Variants in XYLB observed in about 807,000 individuals in gnomAD.
The protein encoded by XYLB is xylulose kinase.
A neutral mutation model predicts 78.7 loss-of-function variants in XYLB; 62 were observed. That is an observed-to-expected ratio of 0.79 (90% CI 0.64 to 0.97). XYLB has a LOEUF of 0.97. Ranked by LOEUF, XYLB falls within the 50% of genes least tolerant of loss-of-function variation. The pLI, the probability that XYLB is intolerant of heterozygous loss-of-function variation, is 0.00. For synonymous variants in XYLB, 245 were observed against 247.4 expected (o/e 0.99, Z 0.09); for missense variants, 687 against 676.8 (o/e 1.02, Z -0.17).
Position 38,366,844 on chromosome 3 carries a change from C to G in XYLB, c.544C>G (p.Gln182Glu), listed in dbSNP as rs979523185. Residue 182 changes from glutamine to glutamate, a missense_variant, in exon 7 of 19, where the codon CAG becomes GAG. Physicochemically the swap from Gln to Glu is conservative, Grantham distance 29 (BLOSUM62 2). Transcript: ENST00000207870. Reference protein sequence around the residue: ...TGNQIAKIYQQNPEAYSHTER... With the variant: ...TGNQIAKIYQENPEAYSHTER... ...GAACCAAATTGCAAAAATTTACCAG[C>G]AGAACCCCGAGGCCTACTCACATAC... 3.7e-6 allele frequency: 6 copies of G among 1,613,368 alleles called. No homozygotes were observed. The highest frequency in any genetic ancestry group is 5.1e-6 in the Non-Finnish European group (6 of 1,179,420).
At chr3:38,379,556 C>T (rs986301233) in intron 15 of XYLB, among the ~76,000 whole-genome samples, 6 of 152,246 alleles carry the variant, frequency 3.9e-5, no homozygotes, top group African/African-American at 1.4e-4. Flanking sequence ...GTTCCCGCTT[C>T]TCAGCTGTGT....
chr3:38,389,191 C>G (rs570295859), intron 15 of XYLB, among the ~76,000 whole-genome samples: 5,739 of 146,234 alleles, frequency 0.039, 179 homozygotes, highest in African/African-American at 0.1. Flanking sequence ...CAAAGCACAT[C>G]TTGCACCGCC....
At position 38,366,892 on chromosome 3, in the gene XYLB, T is replaced by C. The variant is rs1706293794; in HGVS notation, c.573+19T>C. The C allele has an allele frequency of 3.9e-6, 6 of 1,555,646 alleles. No individual in the cohort carries two copies. In the East Asian group the frequency reaches 1.3e-4, roughly 35 times the overall value. Reference sequence around the variant, plus strand: ...TACGGAGGTTGGTTAAATGTTCCTGTTTGATTGAAAGTCACAGTTGAATTC... The same window carrying C: ...TACGGAGGTTGGTTAAATGTTCCTGCTTGATTGAAAGTCACAGTTGAATTC... On this transcript the variant is annotated intron_variant, in intron 7 of 18. Transcript: ENST00000207870.
At chr3:38,431,993 A>G in the XYLB span, among the ~76,000 whole-genome samples, 1 of 152,230 alleles carries the variant, frequency 6.6e-6, no homozygotes, top group African/African-American at 2.4e-5. Flanking sequence ...CAATGGAGGT[A>G]CAGGCATTGG....
chr3:38,397,055 C>G lies in XYLB; in HGVS notation c.1351-17C>G, dbSNP rs1204679400. 6.2e-7 allele frequency: 1 copy of G among 1,613,610 alleles called. No individual in the cohort carries two copies. Among genetic ancestry groups the G allele is most frequent in the Admixed American group, 1.7e-5 (1 of 60,014 alleles). On this transcript the variant is annotated splice_polypyrimidine_tract_variant and intron_variant, in intron 16 of 18. Transcript: ENST00000207870. ...GAGGAATGGCTCACCACAGTAGAACCTCTGTGTCCTTTTCAGGTGCTTGCA... is the reference window on the plus strand; with the variant it reads ...GAGGAATGGCTCACCACAGTAGAACGTCTGTGTCCTTTTCAGGTGCTTGCA...
intron 2 of XYLB, among the ~76,000 whole-genome samples, chr3:38,357,456 G>A (rs951213065): frequency 1.3e-5 from 2 of 150,200 alleles, no homozygotes; most frequent in East Asian, 2.0e-4. Flanking sequence ...GCGTGATCTC[G>A]GCTCACTGCA....
the XYLB span, among the ~76,000 whole-genome samples, chr3:38,438,523 A>C: frequency 2.6e-5 from 4 of 152,226 alleles, no homozygotes; most frequent in Non-Finnish European, 5.9e-5. Context: ...ATTCATAAGG[A>C]ACCAAAAAGA....
At chr3:38,350,192 T>G (rs1407871367) in intron 2 of XYLB, among the ~76,000 whole-genome samples, 1 of 152,324 alleles carries the variant, frequency 6.6e-6, no homozygotes, top group East Asian at 1.9e-4. Flanking sequence ...CATCACATTG[T>G]GTTGCCAACT....
downstream of XYLB, among the ~76,000 whole-genome samples, chr3:38,423,744 T>C (rs879576947): frequency 1.1e-4 from 17 of 152,344 alleles, no homozygotes; most frequent in Non-Finnish European, 2.1e-4. Flanking sequence ...ATTCATTATA[T>C]GGATGATATA....
Position 38,362,922 on chromosome 3 carries a change from T to C in XYLB, c.211-15T>C. The stretch of plus-strand genomic sequence containing the variant: ...GGTTCTGTACAGTCATGGTGGGTTC[T>C]GTTTTTCTTCTTAGGCACTGGATAT... On this transcript the variant is annotated splice_polypyrimidine_tract_variant and intron_variant, in intron 3 of 18. Transcript: ENST00000207870. 1.3e-6 allele frequency: 2 copies of C among 1,558,614 alleles called. No individual in the cohort carries two copies. Among genetic ancestry groups the C allele is most frequent in the African/African-American group, 1.4e-5 (1 of 72,804 alleles).
intron 4 of XYLB, among the ~76,000 whole-genome samples, chr3:38,364,562 CA>C: frequency 6.9e-6 from 1 of 144,282 alleles, no homozygotes; most frequent in Non-Finnish European, 1.5e-5. Flanking sequence ...CTTAGAATGC[CA>C]CTCATCCCGG....
At chr3:38,448,127 C>T in the XYLB span, among the ~76,000 whole-genome samples, 1 of 151,748 alleles carries the variant, frequency 6.6e-6, no homozygotes. Context: ...CTTAAGTGAA[C>T]TAAGCCAGGC....
At position 38,414,102 on chromosome 3, in the gene XYLB, C is replaced by T. The variant is rs1708708416; in HGVS notation, c.*1089C>T. ...GTGATCTGACTCCTGCAGACTCTTC[C>T]AGATTTTTCTGCCCAAGGCCTTTAC... On this transcript the variant is annotated 3_prime_UTR_variant, in exon 19 of 19. Transcript: ENST00000207870. 2 of 152,142 alleles carry T rather than the reference C, an allele frequency of 1.3e-5. No homozygotes were observed. The highest frequency in any genetic ancestry group is 4.8e-5 in the African/African-American group (2 of 41,412). 9.4% of individuals were successfully genotyped at this position (152,142 alleles called of 1,614,324 possible).
At chr3:38,434,614 A>G in the XYLB span, among the ~76,000 whole-genome samples, 1 of 152,254 alleles carries the variant, frequency 6.6e-6, no homozygotes, top group Non-Finnish European at 1.5e-5. Flanking sequence ...ACCATCATGA[A>G]AACACATGAA....
chr3:38,393,425 C>T (rs542534378), intron 15 of XYLB, among the ~76,000 whole-genome samples: 17 of 152,198 alleles, frequency 1.1e-4, no homozygotes, highest in Non-Finnish European at 2.4e-4. Flanking sequence ...GGATTACAGG[C>T]ATGAACCATG....
chr3:38,388,312 T>C (rs1575510593), intron 15 of XYLB, among the ~76,000 whole-genome samples: 1 of 152,084 alleles, frequency 6.6e-6, no homozygotes, highest in Non-Finnish European at 1.5e-5. Flanking sequence ...AAGAGATTTA[T>C]TGTACAACAT....
chr3:38,431,538 C>T, the XYLB span, among the ~76,000 whole-genome samples: 82,871 of 152,036 alleles, frequency 0.55, 23,349 homozygotes, highest in East Asian at 0.62. Context: ...TGAATACCTT[C>T]TATTTCTTTC....
chr3:38,401,796 C>T (rs1203948887), intron 18 of XYLB, among the ~76,000 whole-genome samples: 1 of 152,084 alleles, frequency 6.6e-6, no homozygotes, highest in East Asian at 1.9e-4. Context: ...TCTTCATTCC[C>T]GAGGTGAATC....
At chr3:38,356,339 T>TAA (rs1705653261) in intron 2 of XYLB, 1 of 153,020 alleles carries the variant, frequency 6.5e-6, no homozygotes, top group Non-Finnish European at 1.5e-5. Flanking sequence ...ATGTACAATT[T>TAA]GATGGTTTTA....
Sources: gnomAD v4.1 joint callset for allele counts (sites outside exome capture counted in the v4.1 genomes callset) on GRCh38, gnomAD v4.1.1 for gene constraint, MANE v1.5 for transcripts, NCBI Gene and HGNC (gene_info 2026-07-23, HGNC 2026-07-21) for gene names.